Variants in ATP9B observed in about 807,000 individuals in gnomAD.
ATP9B encodes the protein probable phospholipid-transporting ATPase IIB.
A neutral mutation model predicts 146.1 loss-of-function variants in ATP9B; 110 were observed. The ratio of observed to expected loss-of-function variants is 0.75; its 90% confidence interval spans 0.65 to 0.88. The LOEUF (loss-of-function observed/expected upper bound fraction) is 0.88. Ranked by LOEUF, ATP9B falls within the 40% of genes least tolerant of loss-of-function variation. ATP9B has a pLI of 0.00. For synonymous variants in ATP9B, 604 were observed against 569.7 expected (o/e 1.06, Z -0.86); for missense variants, 1,499 against 1,496.4 (o/e 1.00, Z -0.03).
intron 11 of ATP9B, among the ~76,000 whole-genome samples, chr18:79,221,943 A>T (rs1007927778): frequency 9.5e-5 from 13 of 136,304 alleles, no homozygotes; most frequent in Non-Finnish European, 2.1e-4. Flanking sequence ...AAAAAAAAAG[A>T]AAGAAAAACT....
intron 29 of ATP9B, among the ~76,000 whole-genome samples, chr18:79,376,648 G>A (rs897734407): frequency 3.3e-5 from 5 of 150,454 alleles, no homozygotes; most frequent in Non-Finnish European, 5.9e-5. Flanking sequence ...CCTCAGCCTC[G>A]CAAAGTGCTG....
At chr18:79,161,021 T>C (rs540108593) in intron 7 of ATP9B, among the ~76,000 whole-genome samples, 1 of 151,728 alleles carries the variant, frequency 6.6e-6, no homozygotes, top group South Asian at 2.1e-4. Context: ...CCACCTGCCT[T>C]GGCCTCCCAA....
At chr18:79,341,655 A>C (rs112599570) in intron 19 of ATP9B, among the ~76,000 whole-genome samples, 1 of 102,508 alleles carries the variant, frequency 9.8e-6, no homozygotes, top group Middle Eastern at 7.4e-3. Context: ...CTGCGTTGCC[A>C]ACACACCATT....
At position 79,227,151 on chromosome 18, in the gene ATP9B, G is replaced by A. The variant is rs146014066; in HGVS notation, c.1107+13113G>A. Reference sequence around the variant, plus strand: ...TAAGCTTTAAGCTGGCCTCTCTGTCGTACTATCATGAACCCATCATTTTTT... The same window carrying A: ...TAAGCTTTAAGCTGGCCTCTCTGTCATACTATCATGAACCCATCATTTTTT... On this transcript the variant is annotated intron_variant, in intron 11 of 29. Transcript: ENST00000426216. Among the ~76,000 whole-genome samples the A allele has an allele frequency of 4.4e-3, 669 of 152,046 alleles. 4 individuals carry two copies. The highest frequency in any genetic ancestry group is 7.0e-3 in the Non-Finnish European group (479 of 67,994).
chr18:79,346,642 C>T (rs2096890118), intron 23 of ATP9B, among the ~76,000 whole-genome samples: 1 of 138,802 alleles, frequency 7.2e-6, no homozygotes, highest in South Asian at 2.5e-4. Context: ...ACACACTCAG[C>T]GCACCTCAGC....
At chr18:79,109,724 G>T (rs2075878673) in intron 2 of ATP9B, among the ~76,000 whole-genome samples, 1 of 151,782 alleles carries the variant, frequency 6.6e-6, no homozygotes, top group African/African-American at 2.4e-5. Context: ...TGCCACCATG[G>T]CTGGCTAATT....
intron 25 of ATP9B, among the ~76,000 whole-genome samples, chr18:79,358,948 G>A: frequency 6.6e-6 from 1 of 151,794 alleles, no homozygotes; most frequent in South Asian, 2.1e-4. Flanking sequence ...CCTGTGTGAG[G>A]GGTGCTCTGG....
rs895022802 is a variant in ATP9B, at chr18:79,168,671, T to C, written c.779-8142T>C. The stretch of plus-strand genomic sequence containing the variant: ...TAGTAAATGTCAGTAACCTTCCCCT[T>C]TTTGGGGGAGAAAGAAGTGACTTCC... On this transcript the variant is annotated intron_variant, in intron 7 of 29. Coordinates refer to ENST00000426216, the MANE Select transcript of ATP9B (RefSeq NM_198531.5). Among the ~76,000 whole-genome samples, 53 of 152,178 alleles carry C rather than the reference T, an allele frequency of 3.5e-4. 1 individual carries two copies. Among genetic ancestry groups the C allele is most frequent in the Non-Finnish European group, 1.5e-5 (1 of 68,030 alleles).
rs780764327 is a variant in ATP9B at position 79,143,869 on chromosome 18, T to C, written c.726+9T>C. ...TCATCATAGTGGAAAAGGTTGATGA[T>C]TTTTTAATATATTTTAGACCTATGT... is the stretch of plus-strand genomic sequence containing the variant. On this transcript the variant is annotated intron_variant, in intron 6 of 29. Transcript: ENST00000426216. The C allele has an allele frequency of 6.5e-7, 1 of 1,544,684 alleles. No individual in the cohort carries two copies. Among genetic ancestry groups the C allele is most frequent in the South Asian group, 1.2e-5 (1 of 82,276 alleles).
chr18:79,218,655 A>G (rs779481791), intron 11 of ATP9B, among the ~76,000 whole-genome samples: 43 of 151,736 alleles, frequency 2.8e-4, no homozygotes, highest in Non-Finnish European at 5.0e-4. Context: ...TTCTGGGTCC[A>G]GCGCAGGCTG....
At chr18:79,349,584 C>G in intron 25 of ATP9B, among the ~76,000 whole-genome samples, 1 of 152,218 alleles carries the variant, frequency 6.6e-6, no homozygotes, top group East Asian at 1.9e-4. Context: ...CGACAGCTCC[C>G]TGAATCCCAG....
intron 1 of ATP9B, among the ~76,000 whole-genome samples, chr18:79,081,458 T>C (rs1015601293): frequency 1.3e-5 from 2 of 151,824 alleles, no homozygotes; most frequent in Non-Finnish European, 2.9e-5. Context: ...AGTGGTGATA[T>C]CACCTTTATC....
chr18:79,219,133 G>T (rs2095655126), intron 11 of ATP9B, among the ~76,000 whole-genome samples: 12 of 152,130 alleles, frequency 7.9e-5, no homozygotes, highest in Admixed American at 7.9e-4. Flanking sequence ...AAAAGAGGTT[G>T]GTAATTTTAG....
chr18:79,321,236 A>G (rs1599948080), intron 15 of ATP9B, among the ~76,000 whole-genome samples: 1 of 152,352 alleles, frequency 6.6e-6, no homozygotes. Flanking sequence ...GTCCGTGGGA[A>G]CCAGCCGTTC....
intron 12 of ATP9B, among the ~76,000 whole-genome samples, chr18:79,265,354 T>C (rs1362941209): frequency 6.6e-6 from 1 of 152,122 alleles, no homozygotes; most frequent in Non-Finnish European, 1.5e-5. Flanking sequence ...CCTTGTTGGT[T>C]GGGCTGGTCT....
chr18:79,276,480 G>A (rs182637649), intron 12 of ATP9B, among the ~76,000 whole-genome samples: 8 of 152,352 alleles, frequency 5.3e-5, no homozygotes, highest in Non-Finnish European at 7.4e-5. Context: ...CCTGAAACAC[G>A]GGAAATATCC....
At chr18:79,294,352 G>A (rs772017401) in intron 13 of ATP9B, among the ~76,000 whole-genome samples, 1 of 152,148 alleles carries the variant, frequency 6.6e-6, no homozygotes, top group African/African-American at 2.4e-5. Context: ...CAGAGGAGGC[G>A]GCCAGACACC....
At chr18:79,075,236 C>T (rs2072465711) in intron 1 of ATP9B, among the ~76,000 whole-genome samples, 1 of 152,206 alleles carries the variant, frequency 6.6e-6, no homozygotes, top group Admixed American at 6.5e-5. Flanking sequence ...ACTACAGCCT[C>T]GACCTTCTGG....
intron 11 of ATP9B, among the ~76,000 whole-genome samples, chr18:79,238,849 C>CGTGGACGCAGTGAA (rs2095865413): frequency 6.6e-6 from 1 of 150,444 alleles, no homozygotes; most frequent in Admixed American, 7.1e-5. Context: ...TGGGCAGTGA[C>CGTGGACGCAGTGAA]GCGGACGCAG....
Sources: allele counts gnomAD v4.1 joint callset (sites outside exome capture counted in the v4.1 genomes callset), GRCh38; gene constraint gnomAD v4.1.1; transcripts MANE v1.5; gene names NCBI Gene and HGNC (gene_info 2026-07-23, HGNC 2026-07-21).